STK3: variants seen among roughly 807,000 people sequenced by gnomAD.
The protein encoded by STK3 is serine/threonine kinase 3.
Under a neutral mutation model 58.0 loss-of-function variants are expected in STK3, and 41 were observed. The observed-to-expected ratio is 0.71, with a 90% CI of 0.55 to 0.92. The LOEUF (loss-of-function observed/expected upper bound fraction) is 0.92, where lower values mean the gene tolerates loss of function less well. STK3 is among the 40% of genes least tolerant of loss of function. The probability of loss-of-function intolerance (pLI) is 0.00; values close to 1 mark genes in which losing one functional copy is unlikely to be tolerated. For missense variants in STK3, 479 were observed against 602.7 expected, an observed-to-expected ratio of 0.79 and a Z score of 2.15; for synonymous variants, 170 against 191.0, an observed-to-expected ratio of 0.89 and a Z score of 0.91.
Position 98,421,332 on chromosome 8 carries a change from A to C in STK3, n.483+12795T>G, listed in dbSNP as rs1186580316. Among the ~76,000 whole-genome samples, 7 of 152,300 alleles carry C rather than the reference A, an allele frequency of 4.6e-5. No individual in the cohort carries two copies. The South Asian group carries it at 8.3e-4, about 18-fold the overall frequency. ...TGCACAGTGGTCTTCAGGAGGACCT[A>C]GGGTAGAGGGGAAAGATGGCCAGAC... On this transcript the variant is annotated intron_variant and non_coding_transcript_variant, in intron 3 of 3. Transcript: ENST00000517832.
chr8:98,503,750 C>A (rs1307232413), intron 10 of STK3, among the ~76,000 whole-genome samples: 1 of 152,180 alleles, frequency 6.6e-6, no homozygotes, highest in Non-Finnish European at 1.5e-5. Context: ...AGTCTGATTG[C>A]ACTGTGGTCT....
chr8:98,838,167 C>G (rs1482877842), intron 3 of STK3, among the ~76,000 whole-genome samples: 1 of 151,846 alleles, frequency 6.6e-6, no homozygotes, highest in African/African-American at 2.4e-5. Context: ...CGCTTGAACC[C>G]TAGAGGCAGA....
chr8:98,695,848 C>A (rs1305713301), intron 6 of STK3, among the ~76,000 whole-genome samples: 1 of 152,114 alleles, frequency 6.6e-6, no homozygotes, highest in Non-Finnish European at 1.5e-5. Context: ...GCAATGCGGG[C>A]TCTTTTTGGG....
At chr8:98,351,750 A>G in the STK3 span, among the ~76,000 whole-genome samples, 9 of 152,320 alleles carry the variant, frequency 5.9e-5, no homozygotes, top group East Asian at 1.7e-3. Flanking sequence ...CTGAAATACC[A>G]ATTTTTACTC....
chr8:98,760,419 C>T (rs1371316071), intron 3 of STK3, among the ~76,000 whole-genome samples: 2 of 152,158 alleles, frequency 1.3e-5, no homozygotes, highest in South Asian at 2.1e-4. Flanking sequence ...GAATTACAGG[C>T]GTGAGCCACT....
rs2130353559 is a variant in STK3, at chr8:98,619,050, C to G, written c.685-22881G>C. ...GAACAAAGCTGGAGGCATCACACTA[C>G]CTGACTTCAAACTATACTACAAGGC... On this transcript the variant is annotated intron_variant, in intron 6 of 10. Coordinates refer to ENST00000419617, the MANE Select transcript of STK3 (RefSeq NM_006281.4). Among the ~76,000 whole-genome samples, 3 of 148,820 alleles carry G rather than the reference C, an allele frequency of 2.0e-5. No individual in the cohort carries two copies. The South Asian group carries it at 6.5e-4, about 32-fold the overall frequency.
chr8:98,696,301 A>G lies in STK3; in HGVS notation c.684+10166T>C, dbSNP rs534422865. 1.6e-4 allele frequency among the ~76,000 whole-genome samples: 25 copies of G among 152,190 alleles called. No homozygotes were observed. The East Asian group carries it at 3.9e-3, about 24-fold the overall frequency. ...TAGATATACAATCATGTCATCTGCA[A>G]ACAGGGACAATTTGACTTCCTCTTT... On this transcript the variant is annotated intron_variant, in intron 6 of 10. Transcript: ENST00000419617.
intron 1 of STK3, among the ~76,000 whole-genome samples, chr8:98,796,226 T>C (rs1443426654): frequency 6.6e-6 from 1 of 152,104 alleles, no homozygotes; most frequent in Admixed American, 6.5e-5. Context: ...AGATATCACA[T>C]TACCCAACTT....
At chr8:98,711,029 A>G (rs946430964) in intron 4 of STK3, among the ~76,000 whole-genome samples, 2 of 152,192 alleles carry the variant, frequency 1.3e-5, no homozygotes, top group Non-Finnish European at 2.9e-5. Flanking sequence ...AGGCAAACAG[A>G]GTCTGGAGTG....
chr8:98,605,125 C>T (rs1816675440), intron 6 of STK3, among the ~76,000 whole-genome samples: 3 of 152,126 alleles, frequency 2.0e-5, no homozygotes, highest in African/African-American at 7.2e-5. Flanking sequence ...CCAAACTTTC[C>T]CTCATTTTCC....
chr8:98,401,755 C>G (rs1413837447), intron 3 of STK3, among the ~76,000 whole-genome samples: 1 of 152,216 alleles, frequency 6.6e-6, no homozygotes, highest in Admixed American at 6.5e-5. Context: ...CTCATCTCCT[C>G]TCAGGTTGCT....
intron 1 of STK3, among the ~76,000 whole-genome samples, chr8:98,781,757 T>TC (rs1832103446): frequency 6.6e-6 from 1 of 151,390 alleles, no homozygotes; most frequent in Admixed American, 6.6e-5. Flanking sequence ...AAAGCAAAAT[T>TC]CAACATTCAC....
chr8:98,382,970 A>G (rs1817752739), intron 1 of STK3, among the ~76,000 whole-genome samples: 1 of 152,146 alleles, frequency 6.6e-6, no homozygotes, highest in South Asian at 2.1e-4. Context: ...CCAGGCCCCA[A>G]GGTCCCCTCC....
intron 1 of STK3, among the ~76,000 whole-genome samples, chr8:98,783,904 G>C (rs201084920): frequency 2.0e-4 from 30 of 152,158 alleles, no homozygotes; most frequent in African/African-American, 7.0e-4. Flanking sequence ...CACTGGAATC[G>C]TGACAGACAC....
chr8:98,742,117 A>C (rs1709558125), intron 4 of STK3, among the ~76,000 whole-genome samples: 1 of 151,968 alleles, frequency 6.6e-6, no homozygotes. Flanking sequence ...AGAGTCCAGG[A>C]CCAGATGGAT....
At chr8:98,608,748 G>T (rs184778200) in intron 6 of STK3, among the ~76,000 whole-genome samples, 1 of 152,054 alleles carries the variant, frequency 6.6e-6, no homozygotes, top group African/African-American at 2.4e-5. Context: ...TGGTAGACAC[G>T]GATGAGCATA....
intron 3 of STK3, among the ~76,000 whole-genome samples, chr8:98,406,224 C>CATTTTATTTT (rs56220187): frequency 1.9e-4 from 27 of 142,544 alleles, no homozygotes; most frequent in African/African-American, 5.9e-4. Context: ...TCCCCCCAGG[C>CATTTTATTTT]ATTTTATTTT....
intron 1 of STK3, among the ~76,000 whole-genome samples, chr8:98,916,704 C>G (rs1302442695): frequency 6.6e-6 from 1 of 152,186 alleles, no homozygotes; most frequent in Non-Finnish European, 1.5e-5. Context: ...ACTGAGATCA[C>G]TGTTCTAGGC....
chr8:98,700,425 G>A (rs1334114789), intron 6 of STK3, among the ~76,000 whole-genome samples: 1 of 152,202 alleles, frequency 6.6e-6, no homozygotes. Flanking sequence ...CAGTACCTCA[G>A]ATGGAAATGC....
Sources: gnomAD v4.1 joint callset for allele counts (sites outside exome capture counted in the v4.1 genomes callset) on GRCh38, gnomAD v4.1.1 for gene constraint, MANE v1.5 for transcripts, NCBI Gene and HGNC (gene_info 2026-07-23, HGNC 2026-07-21) for gene names.